LRGUK: variants seen among roughly 807,000 people sequenced by gnomAD.
LRGUK encodes the protein leucine-rich repeat and guanylate kinase domain-containing protein.
LRGUK carries 65 observed loss-of-function variants against 76.0 expected under a neutral mutation model. That is an observed-to-expected ratio of 0.85 (90% CI 0.70 to 1.05). The LOEUF (loss-of-function observed/expected upper bound fraction) is 1.05. Among genes scored for constraint, LRGUK ranks in the 50% least tolerant of loss-of-function variants. The probability of loss-of-function intolerance (pLI) is 0.00; values close to 1 mark genes in which losing one functional copy is unlikely to be tolerated. For synonymous variants in LRGUK, 268 were observed against 265.6 expected (o/e 1.01, Z -0.09); for missense variants, 758 against 732.8 (o/e 1.03, Z -0.40).
intron 11 of LRGUK, among the ~76,000 whole-genome samples, chr7:134,189,492 G>A (rs144978119): frequency 3.2e-3 from 487 of 152,282 alleles, no homozygotes; most frequent in African/African-American, 0.01. Context: ...TAGGAAGTCT[G>A]CAGTGGCTGC....
intron 17 of LRGUK, among the ~76,000 whole-genome samples, chr7:134,247,845 G>C (rs1224943912): frequency 6.6e-6 from 1 of 152,126 alleles, no homozygotes; most frequent in Admixed American, 6.5e-5. Context: ...ATAGCTACTA[G>C]AAACTGATGA....
At position 134,251,844 on chromosome 7, in the gene LRGUK, T is replaced by C. The variant is rs1363935333; in HGVS notation, c.2198+2768T>C. The stretch of plus-strand genomic sequence containing the variant: ...GTATAAATCTAAAGAGAAGATCCCA[T>C]GCATAGGTTAATAATGACACTTTCC... On this transcript the variant is annotated intron_variant, in intron 18 of 19. Transcript: ENST00000285928. Among the ~76,000 whole-genome samples, 6 of 152,288 alleles carry C rather than the reference T, an allele frequency of 3.9e-5. No homozygotes were observed. In the Middle Eastern group the frequency reaches 0.017, roughly 432 times the overall value.
intron 19 of LRGUK, among the ~76,000 whole-genome samples, chr7:134,258,748 T>C (rs1052483259): frequency 6.6e-6 from 1 of 152,056 alleles, no homozygotes; most frequent in Non-Finnish European, 1.5e-5. Context: ...ATATAAGTTA[T>C]ATATATTTAT....
intron 16 of LRGUK, among the ~76,000 whole-genome samples, chr7:134,222,633 G>A (rs977248504): frequency 5.9e-5 from 9 of 151,416 alleles, no homozygotes; most frequent in African/African-American, 2.2e-4. Flanking sequence ...TTTTGAGACG[G>A]AGTTTTGCTC....
rs1261880195 is a variant in LRGUK at position 134,176,992 on chromosome 7, TG to T, written c.1038del (p.Trp346CysfsTer4). On this transcript the variant is annotated frameshift_variant, in exon 9 of 16. Coordinates refer to ENST00000645682, the Ensembl canonical transcript of LRGUK. LOFTEE classifies it high-confidence loss of function. ...TTTTAAATAGGAAAAGTCTGAATAT[TG>T]GTTCTTCGTAATTTTTATGCTTCTG... is the stretch of plus-strand genomic sequence containing the variant. 6.3e-7 allele frequency: 1 copy of T among 1,597,210 alleles called. No homozygotes were observed. The highest frequency in any genetic ancestry group is 2.2e-5 in the East Asian group (1 of 44,624).
At chr7:134,249,215 G>A (rs1291001565) in intron 18 of LRGUK, 139 bp downstream of exon 18, 6 of 966,870 alleles carry the variant, frequency 6.2e-6, no homozygotes, top group Middle Eastern at 3.3e-4. Context: ...TTTGAAGGGA[G>A]TAGACCCTGC....
downstream of LRGUK, among the ~76,000 whole-genome samples, chr7:134,210,896 G>C (rs1483624279): frequency 6.6e-6 from 1 of 152,220 alleles, no homozygotes; most frequent in Non-Finnish European, 1.5e-5. Flanking sequence ...CCAGAACCAG[G>C]TGTCTACTGT....
At chr7:134,241,266 TAA>T (rs1468719120) in intron 16 of LRGUK, among the ~76,000 whole-genome samples, 1 of 152,056 alleles carries the variant, frequency 6.6e-6, no homozygotes, top group African/African-American at 2.4e-5. Context: ...GCAAATTGGA[TAA>T]AGAGTCAAGA....
At chr7:134,234,250 A>G (rs970325155) in intron 16 of LRGUK, among the ~76,000 whole-genome samples, 1 of 151,852 alleles carries the variant, frequency 6.6e-6, no homozygotes, top group African/African-American at 2.4e-5. Context: ...CTCAGATACC[A>G]CAGTCTGCTG....
intron 18 of LRGUK, 141 bp from the exon 19 acceptor site, chr7:134,258,116 A>G (rs1802629679): frequency 3.1e-6 from 3 of 981,924 alleles, no homozygotes; most frequent in Admixed American, 2.3e-5. Context: ...ACTGTTGAAC[A>G]CTAGCTCAAC....
In LRGUK at chr7:134,148,061, C is replaced by CAA. The variant is rs10556613; in HGVS notation, c.589-159_589-158dup. On this transcript the variant is annotated intron_variant, in intron 4 of 15. Coordinates refer to ENST00000645682, the Ensembl canonical transcript of LRGUK. Reference sequence around the variant, plus strand: ...TGGACGACAGAGCAAGACTCCTTTTCAAAAAAAAAAAAAAAAAAAGATTAA... The same window carrying CAA: ...TGGACGACAGAGCAAGACTCCTTTTCAAAAAAAAAAAAAAAAAAAAAGATTAA... 9.3e-4 allele frequency among the ~76,000 whole-genome samples: 114 copies of CAA among 123,202 alleles called. 1 individual carries two copies. Among genetic ancestry groups the CAA allele is most frequent in the East Asian group, 2.6e-3 (11 of 4,208 alleles). 80.8% of individuals were successfully genotyped at this position (123,202 alleles called of 152,430 possible). A position where few individuals can be genotyped will look rare whatever the true frequency, so the allele number is the denominator to read the frequency against.
rs3030442 is a variant in LRGUK at position 134,229,375 on chromosome 7, AATCTATCT to A, written c.1983+7492_1983+7499del. On this transcript the variant is annotated intron_variant, in intron 16 of 19. Coordinates refer to the LRGUK transcript ENST00000285928. ...GAGACTCCATCTCAAAAAAAAAAAAAATCTATCTATCTATCTATCTATCTATCTATCTA... is the reference window on the plus strand; with the variant it reads ...GAGACTCCATCTCAAAAAAAAAAAAAATCTATCTATCTATCTATCTATCTA... Among the ~76,000 whole-genome samples the A allele has an allele frequency of 4.5e-3, 663 of 147,558 alleles. 8 individuals carry two copies. In the East Asian group the frequency reaches 0.05, roughly 11 times the overall value.
chr7:134,150,241 C>T (rs1170058636), intron 5 of LRGUK, among the ~76,000 whole-genome samples: 6 of 151,276 alleles, frequency 4.0e-5, no homozygotes, highest in Non-Finnish European at 7.4e-5. Flanking sequence ...CGCCACTGCA[C>T]TCCAGCCTGG....
chr7:134,163,481 A>C, exon 7 of LRGUK: 1 of 1,614,002 alleles, frequency 6.2e-7, no homozygotes, highest in South Asian at 1.1e-5. Flanking sequence ...TCAGATAAGC[A>C]GCCTCCAAGG....
intron 15 of LRGUK, among the ~76,000 whole-genome samples, chr7:134,216,097 A>G (rs1801429792): frequency 6.6e-6 from 1 of 152,198 alleles, no homozygotes; most frequent in Admixed American, 6.5e-5. Flanking sequence ...GTTCTAATGT[A>G]TAAAATGGAG....
chr7:134,151,471 A>G (rs912300135), intron 5 of LRGUK, among the ~76,000 whole-genome samples: 1 of 152,112 alleles, frequency 6.6e-6, no homozygotes, highest in African/African-American at 2.4e-5. Context: ...TTTTCAAAAC[A>G]GACCTTCCAA....
chr7:134,152,417 G>A (rs182308191), intron 5 of LRGUK, among the ~76,000 whole-genome samples: 1 of 152,022 alleles, frequency 6.6e-6, no homozygotes, highest in East Asian at 1.9e-4. Flanking sequence ...AAGAAGATGG[G>A]CAAAATAAAA....
At chr7:134,269,497 T>A (rs375430022), downstream of LRGUK, among the ~76,000 whole-genome samples, 2 of 151,788 alleles carry the variant, frequency 1.3e-5, no homozygotes, top group Admixed American at 1.3e-4. Flanking sequence ...GGAATACAGA[T>A]GTGTGCCAGT....
chr7:134,163,551 A>T lies in LRGUK; in HGVS notation c.939+11A>T, dbSNP rs1266405020. On this transcript the variant is annotated intron_variant, in intron 7 of 15. Transcript: ENST00000645682. ...CTGGAGGATAATAAGGTAGTGTTGC[A>T]CTTCACATGTCTTGGTTTCAGTGTT... is the stretch of plus-strand genomic sequence containing the variant. 2.1e-5 allele frequency: 34 copies of T among 1,598,898 alleles called. No individual in the cohort carries two copies. The highest frequency in any genetic ancestry group is 5.4e-5 in the African/African-American group (4 of 73,612).
Sources: gnomAD v4.1 joint callset for allele counts (sites outside exome capture counted in the v4.1 genomes callset) on GRCh38, gnomAD v4.1.1 for gene constraint, MANE v1.5 for transcripts, NCBI Gene and HGNC (gene_info 2026-07-23, HGNC 2026-07-21) for gene names.